RASGEF1A: variants seen among roughly 807,000 people sequenced by gnomAD.
RASGEF1A encodes RasGEF domain family member 1A.
Under a neutral mutation model 56.4 loss-of-function variants are expected in RASGEF1A, and 18 were observed. The observed-to-expected ratio is 0.32, with a 90% confidence interval of 0.22 to 0.47. RASGEF1A has a LOEUF of 0.47. Among genes scored for constraint, RASGEF1A ranks in the 20% least tolerant of loss-of-function variants. RASGEF1A has a pLI of 1.00. For missense variants in RASGEF1A, 422 were observed against 627.1 expected, an observed-to-expected ratio of 0.67 and a Z score of 3.49; for synonymous variants, 245 against 242.6, an observed-to-expected ratio of 1.01 and a Z score of -0.09.
rs565838566 is a variant in RASGEF1A, at chr10:43,263,606, C to A, written c.-7+3239G>T. 5.9e-5 allele frequency among the ~76,000 whole-genome samples: 9 copies of A among 152,246 alleles called. 1 individual carries two copies. The South Asian group carries it at 1.9e-3, about 32-fold the overall frequency. On this transcript the variant is annotated intron_variant, in intron 1 of 12. Transcript: ENST00000395810. The stretch of plus-strand genomic sequence containing the variant: ...CTGAATTCACAAAGAACCCCACAGC[C>A]AGCTCACAAGAGACAAGCAGGTCTC...
chr10:43,211,181 G>A (rs919421315), intron 1 of RASGEF1A, among the ~76,000 whole-genome samples: 9 of 152,208 alleles, frequency 5.9e-5, no homozygotes, highest in Admixed American at 3.3e-4. Flanking sequence ...CACCTCCCAC[G>A]CAGGGCCGGT....
intron 1 of RASGEF1A, chr10:43,209,219 C>T (rs777937185): frequency 2.1e-5 from 21 of 985,196 alleles, no homozygotes; most frequent in African/African-American, 1.4e-4. Flanking sequence ...CACTGAAAAC[C>T]GCAAGGCTAC....
At chr10:43,229,488 C>A in intron 1 of RASGEF1A, 1 of 566,202 alleles carries the variant, frequency 1.8e-6, no homozygotes, top group Non-Finnish European at 2.9e-6. Context: ...GGTGCTCCAG[C>A]GGGGACGCAC....
At chr10:43,201,688 T>A in intron 4 of RASGEF1A, 120 bp downstream of exon 4, 1 of 1,138,970 alleles carries the variant, frequency 8.8e-7, no homozygotes, top group Non-Finnish European at 1.2e-6. Context: ...CCAGCAACCC[T>A]CCTGGGGGAG....
chr10:43,264,460 C>T (rs1461921079), intron 1 of RASGEF1A, among the ~76,000 whole-genome samples: 1 of 151,614 alleles, frequency 6.6e-6, no homozygotes, highest in Non-Finnish European at 1.5e-5. Context: ...CTTCAGTCCC[C>T]TCCCTCCGCA....
At chr10:43,248,734 C>T (rs190978157) in intron 1 of RASGEF1A, among the ~76,000 whole-genome samples, 1 of 152,078 alleles carries the variant, frequency 6.6e-6, no homozygotes, top group East Asian at 1.9e-4. Context: ...TTTTCTTTGG[C>T]CTGAGTTTAA....
chr10:43,222,354 T>C (rs1290899361), intron 1 of RASGEF1A, among the ~76,000 whole-genome samples: 1 of 152,198 alleles, frequency 6.6e-6, no homozygotes, highest in East Asian at 1.9e-4. Flanking sequence ...GGCTGGGGGC[T>C]GGTTGTCAGG....
intron 6 of RASGEF1A, 76 bp from the exon 7 acceptor site, chr10:43,199,844 G>T: frequency 8.2e-7 from 1 of 1,221,160 alleles, no homozygotes. Context: ...GCTGGCCCTG[G>T]TCCCCAGCTA....
Position 43,255,386 on chromosome 10 carries a change from G to A in RASGEF1A, c.-7+11459C>T, listed in dbSNP as rs562798895. 7.2e-5 allele frequency among the ~76,000 whole-genome samples: 11 copies of A among 152,182 alleles called. 2 individuals carry two copies. Among genetic ancestry groups the A allele is most frequent in the African/African-American group, 2.6e-4 (11 of 41,544 alleles). On this transcript the variant is annotated intron_variant, in intron 1 of 12. Transcript: ENST00000395810. Reference sequence around the variant, plus strand: ...CCTGGACAGTGGGGCAGGCTGAGGTGAGAGAGCTGACCACTGTCCTGACCC... The same window carrying A: ...CCTGGACAGTGGGGCAGGCTGAGGTAAGAGAGCTGACCACTGTCCTGACCC...
At chr10:43,239,115 T>C (rs1840472808) in intron 1 of RASGEF1A, among the ~76,000 whole-genome samples, 1 of 152,224 alleles carries the variant, frequency 6.6e-6, no homozygotes, top group Non-Finnish European at 1.5e-5. Context: ...CCATACGTTC[T>C]GTGGCAGCTG....
In RASGEF1A at chr10:43,264,630, C is replaced by G. The variant is rs530745796; in HGVS notation, c.-7+2215G>C. On this transcript the variant is annotated intron_variant, in intron 1 of 12. Coordinates refer to ENST00000395810, the MANE Select transcript of RASGEF1A (RefSeq NM_145313.4). ...CAGAGTGCCGGACCCAAGCAGATGG[C>G]CTCAGGAGAAAAAGGGGGAAGGGGA... is the stretch of plus-strand genomic sequence containing the variant. 2.6e-5 allele frequency among the ~76,000 whole-genome samples: 4 copies of G among 151,282 alleles called. No homozygotes were observed. The South Asian group carries it at 8.3e-4, about 32-fold the overall frequency.
intron 1 of RASGEF1A, chr10:43,206,909 G>A: frequency 1.0e-6 from 1 of 985,620 alleles, no homozygotes; most frequent in Non-Finnish European, 1.2e-6. Context: ...TGAGCAGCTG[G>A]GCCTCCTGGA....
At chr10:43,203,269 G>A in intron 3 of RASGEF1A, 29 bp downstream of exon 3, 3 of 1,348,388 alleles carry the variant, frequency 2.2e-6, no homozygotes, top group South Asian at 2.6e-5. Context: ...CCCTGCCCCC[G>A]CCCGTGCCCC....
intron 1 of RASGEF1A, among the ~76,000 whole-genome samples, chr10:43,236,538 G>T (rs1840433879): frequency 6.6e-6 from 1 of 152,198 alleles, no homozygotes; most frequent in African/African-American, 2.4e-5. Context: ...TCTAATCAGG[G>T]TGCCTTCCTC....
intron 2 of RASGEF1A, chr10:43,203,831 T>C: frequency 1.4e-6 from 1 of 722,052 alleles, no homozygotes; most frequent in South Asian, 5.1e-5. Flanking sequence ...GTGGGGAGGG[T>C]GGGGGATGCA....
chr10:43,211,335 C>T (rs1405002937), intron 1 of RASGEF1A, among the ~76,000 whole-genome samples: 4 of 152,156 alleles, frequency 2.6e-5, no homozygotes. Flanking sequence ...TGTATCTGAG[C>T]CTAAGTCTTC....
chr10:43,199,652 A>G (rs368852111), intron 7 of RASGEF1A, 24 bp downstream of exon 7: 66 of 1,585,196 alleles, frequency 4.2e-5, no homozygotes, highest in Non-Finnish European at 5.5e-5. Context: ...CAGCCACCCC[A>G]CCATGTCTGC....
At chr10:43,239,546 C>T (rs542208755) in intron 1 of RASGEF1A, among the ~76,000 whole-genome samples, 6 of 152,224 alleles carry the variant, frequency 3.9e-5, no homozygotes, top group African/African-American at 1.4e-4. Flanking sequence ...ATAACTGAAT[C>T]TCAGTAAGAA....
At chr10:43,238,333 A>T (rs1033317206) in intron 1 of RASGEF1A, among the ~76,000 whole-genome samples, 9 of 152,182 alleles carry the variant, frequency 5.9e-5, no homozygotes, top group African/African-American at 9.7e-5. Flanking sequence ...GCCATCGCAG[A>T]GTCAGACCTG....
Sources: allele counts gnomAD v4.1 joint callset (sites outside exome capture counted in the v4.1 genomes callset), GRCh38; gene constraint gnomAD v4.1.1; transcripts MANE v1.5; gene names NCBI Gene and HGNC (gene_info 2026-07-23, HGNC 2026-07-21).